The following NEGR1 variants were observed in gnomAD, a reference collection of about 807,000 sequenced individuals.
The protein encoded by NEGR1 is IgLON family member 4.
Under a neutral mutation model 40.9 loss-of-function variants are expected in NEGR1, and 10 were observed. That is an observed-to-expected ratio of 0.24 (90% confidence interval 0.15 to 0.42). The LOEUF (loss-of-function observed/expected upper bound fraction) is 0.42, where lower values mean the gene tolerates loss of function less well. NEGR1 is among the 10% of genes least tolerant of loss of function. The pLI is 1.00. For missense variants in NEGR1, 352 were observed against 438.9 expected (o/e 0.80, Z 1.77); for synonymous variants, 185 against 166.8 (o/e 1.11, Z -0.84).
In NEGR1 at chr1:71,727,578, C is replaced by A. The variant is rs569282596; in HGVS notation, c.536-29439G>T. ...AGAGGCACAATCACCAAAACAAGCA[C>A]AAATACAAGAAAGAACAGAGTCCAT... On this transcript the variant is annotated intron_variant, in intron 3 of 6. Transcript: ENST00000357731. 2.0e-4 allele frequency among the ~76,000 whole-genome samples: 31 copies of A among 152,180 alleles called. No individual in the cohort carries two copies. The South Asian group carries it at 6.4e-3, about 32-fold the overall frequency.
At chr1:72,041,950 CAAAT>C (rs1046797004) in intron 1 of NEGR1, among the ~76,000 whole-genome samples, 12 of 128,170 alleles carry the variant, frequency 9.4e-5, no homozygotes, top group African/African-American at 3.2e-4. Context: ...TTGAGAGTCT[CAAAT>C]ATATATTATA....
intron 1 of NEGR1, among the ~76,000 whole-genome samples, chr1:72,071,740 T>A (rs909500015): frequency 6.6e-6 from 1 of 152,032 alleles, no homozygotes; most frequent in African/African-American, 2.4e-5. Context: ...TTCAAAGGGG[T>A]CTTTTCCTGT....
chr1:71,727,887 G>C (rs1470125120), intron 3 of NEGR1, among the ~76,000 whole-genome samples: 2 of 152,146 alleles, frequency 1.3e-5, no homozygotes, highest in Non-Finnish European at 2.9e-5. Flanking sequence ...AGAACAGCCA[G>C]TGGGGTGCGA....
intron 1 of NEGR1, among the ~76,000 whole-genome samples, chr1:71,958,957 A>T (rs935960325): frequency 1.3e-4 from 19 of 151,946 alleles, no homozygotes; most frequent in African/African-American, 4.6e-4. Context: ...ATCTCAAAAA[A>T]AAAAAAAAAA....
chr1:72,227,859 G>A (rs778943628), intron 1 of NEGR1, among the ~76,000 whole-genome samples: 3 of 152,076 alleles, frequency 2.0e-5, no homozygotes, highest in Non-Finnish European at 4.4e-5. Flanking sequence ...GCGCAAGTGA[G>A]TAATATTTCA....
chr1:71,667,044 G>T (rs1227901584), intron 4 of NEGR1, among the ~76,000 whole-genome samples: 1 of 152,016 alleles, frequency 6.6e-6, no homozygotes, highest in Non-Finnish European at 1.5e-5. Context: ...ATTATATCTG[G>T]TCATATAATG....
intron 1 of NEGR1, among the ~76,000 whole-genome samples, chr1:72,012,814 T>C (rs1420694389): frequency 7.1e-6 from 1 of 139,918 alleles, no homozygotes; most frequent in Non-Finnish European, 1.6e-5. Context: ...TATATATATA[T>C]ATACACACAC....
chr1:72,244,478 C>G (rs1654842309), intron 1 of NEGR1, among the ~76,000 whole-genome samples: 2 of 151,774 alleles, frequency 1.3e-5, no homozygotes, highest in African/African-American at 4.8e-5. Context: ...TGTTGAAAAA[C>G]ATGTATATAT....
intron 1 of NEGR1, among the ~76,000 whole-genome samples, chr1:71,943,020 A>G (rs1363458954): frequency 7.5e-6 from 1 of 133,406 alleles, no homozygotes; most frequent in Non-Finnish European, 1.7e-5. Flanking sequence ...ATATATGTGT[A>G]TATATATACA....
intron 6 of NEGR1, among the ~76,000 whole-genome samples, chr1:71,410,119 C>T (rs145267873): frequency 2.0e-3 from 310 of 152,142 alleles, no homozygotes; most frequent in Middle Eastern, 6.8e-3. Context: ...AAATAGCATA[C>T]GTCTTTTCAC....
chr1:72,238,296 T>C (rs1453893379), intron 1 of NEGR1, among the ~76,000 whole-genome samples: 4 of 151,880 alleles, frequency 2.6e-5, no homozygotes, highest in African/African-American at 9.7e-5. Flanking sequence ...GATAGGAATA[T>C]AAATAAATAA....
At chr1:71,748,601 T>C (rs928724168) in intron 3 of NEGR1, among the ~76,000 whole-genome samples, 3 of 152,134 alleles carry the variant, frequency 2.0e-5, no homozygotes, top group Non-Finnish European at 4.4e-5. Flanking sequence ...GTTTGCATAT[T>C]TACTTATAAT....
chr1:72,064,469 G>T (rs2100499405), intron 1 of NEGR1, among the ~76,000 whole-genome samples: 1 of 152,178 alleles, frequency 6.6e-6, no homozygotes, highest in Middle Eastern at 3.4e-3. Context: ...CTGTGCAAAA[G>T]CTTCTGTGGT....
chr1:72,079,487 A>T (rs188985829), intron 1 of NEGR1, among the ~76,000 whole-genome samples: 18 of 152,268 alleles, frequency 1.2e-4, no homozygotes, highest in Admixed American at 9.2e-4. Context: ...ATATTAGAAT[A>T]AATCAGTCCT....
At chr1:71,452,026 A>T (rs1646633081) in intron 6 of NEGR1, among the ~76,000 whole-genome samples, 1 of 152,202 alleles carries the variant, frequency 6.6e-6, no homozygotes, top group Admixed American at 6.5e-5. Flanking sequence ...ATTCCACTAT[A>T]ACATCATGAG....
At chr1:72,256,372 G>T (rs1367341566) in intron 1 of NEGR1, among the ~76,000 whole-genome samples, 2 of 152,178 alleles carry the variant, frequency 1.3e-5, no homozygotes, top group East Asian at 1.9e-4. Flanking sequence ...ATTGAAAATT[G>T]TATCTATGCA....
intron 6 of NEGR1, among the ~76,000 whole-genome samples, chr1:71,545,944 T>A (rs1031131837): frequency 6.6e-6 from 1 of 151,768 alleles, no homozygotes; most frequent in Non-Finnish European, 1.5e-5. Flanking sequence ...ATATCCATGA[T>A]GTAATCCAAC....
At chr1:71,820,598 G>A (rs1018382008) in intron 2 of NEGR1, among the ~76,000 whole-genome samples, 2 of 151,900 alleles carry the variant, frequency 1.3e-5, no homozygotes, top group Non-Finnish European at 2.9e-5. Flanking sequence ...TTAAGTTGCG[G>A]TTAGGGTCCA....
chr1:72,094,774 G>T (rs1648633787), intron 1 of NEGR1, among the ~76,000 whole-genome samples: 1 of 152,146 alleles, frequency 6.6e-6, no homozygotes, highest in African/African-American at 2.4e-5. Flanking sequence ...TGCCTCTGTA[G>T]ATCTCACTGG....
Sources: gnomAD v4.1 joint callset for allele counts (sites outside exome capture counted in the v4.1 genomes callset) on GRCh38, gnomAD v4.1.1 for gene constraint, MANE v1.5 for transcripts, NCBI Gene and HGNC (gene_info 2026-07-23, HGNC 2026-07-21) for gene names.